GALNTL6: variants seen among roughly 807,000 people sequenced by gnomAD.
GALNTL6 encodes polypeptide N-acetylgalactosaminyltransferase-like 6.
A neutral mutation model predicts 73.7 loss-of-function variants in GALNTL6; 46 were observed. The ratio of observed to expected loss-of-function variants is 0.62; its 90% CI spans 0.49 to 0.80. The LOEUF (loss-of-function observed/expected upper bound fraction) is 0.80. Ranked by LOEUF, GALNTL6 falls within the 30% of genes least tolerant of loss-of-function variation. The pLI, the probability that GALNTL6 is intolerant of heterozygous loss-of-function variation, is 0.00. For synonymous variants in GALNTL6, 259 were observed against 263.7 expected, an observed-to-expected ratio of 0.98 and a Z score of 0.17; for missense variants, 604 against 755.0, an observed-to-expected ratio of 0.80 and a Z score of 2.34.
chr4:172,863,419 G>C (rs1459553228), intron 7 of GALNTL6, among the ~76,000 whole-genome samples: 2 of 152,188 alleles, frequency 1.3e-5, no homozygotes, highest in Non-Finnish European at 2.9e-5. Flanking sequence ...GCCCAAGGCT[G>C]TAGGAGCCCA....
intron 2 of GALNTL6, among the ~76,000 whole-genome samples, chr4:171,907,840 A>G (rs1294478627): frequency 1.3e-5 from 2 of 151,910 alleles, no homozygotes; most frequent in Admixed American, 6.6e-5. Flanking sequence ...AAATAACGCC[A>G]CATATCTACA....
intron 2 of GALNTL6, among the ~76,000 whole-genome samples, chr4:172,220,540 A>G (rs547144175): frequency 6.6e-6 from 1 of 151,804 alleles, no homozygotes; most frequent in South Asian, 2.1e-4. Flanking sequence ...CATCCATTTT[A>G]CATGTTAGGT....
At chr4:172,693,530 A>G (rs1460685758) in intron 5 of GALNTL6, among the ~76,000 whole-genome samples, 1 of 152,192 alleles carries the variant, frequency 6.6e-6, no homozygotes, top group African/African-American at 2.4e-5. Flanking sequence ...TTAAAGCACA[A>G]ATTAAATATC....
intron 7 of GALNTL6, among the ~76,000 whole-genome samples, chr4:172,824,657 T>C (rs1441171051): frequency 1.3e-5 from 2 of 152,128 alleles, no homozygotes; most frequent in Admixed American, 6.5e-5. Flanking sequence ...TATGCTGCTG[T>C]CTTCTCAGTG....
rs533655534 is a variant in GALNTL6, at chr4:172,372,397, G to T, written c.553+23708G>T. ...GTCTGATAGCCATAAACTTCCTTTG[G>T]CACCTAGTATGCCATTGACATTATG... On this transcript the variant is annotated intron_variant, in intron 5 of 12. Transcript: ENST00000506823. 6.6e-5 allele frequency among the ~76,000 whole-genome samples: 10 copies of T among 152,246 alleles called. No individual in the cohort carries two copies. In the South Asian group the frequency reaches 2.1e-3, roughly 32 times the overall value.
chr4:172,794,606 G>A (rs1740167585), intron 5 of GALNTL6, among the ~76,000 whole-genome samples: 1 of 152,194 alleles, frequency 6.6e-6, no homozygotes, highest in South Asian at 2.1e-4. Context: ...TCAAGCAAGG[G>A]CTTTCACCAC....
intron 5 of GALNTL6, among the ~76,000 whole-genome samples, chr4:172,783,472 AC>A (rs1739485649): frequency 6.8e-6 from 1 of 147,598 alleles, no homozygotes; most frequent in Non-Finnish European, 1.5e-5. Context: ...ATAATATTAT[AC>A]ACTATTAATA....
chr4:172,834,022 C>T (rs548202202), intron 7 of GALNTL6, among the ~76,000 whole-genome samples: 17 of 152,158 alleles, frequency 1.1e-4, no homozygotes, highest in Admixed American at 5.9e-4. Flanking sequence ...GAGGCTGAGA[C>T]GGGAGAAATG....
In GALNTL6 at chr4:172,027,868, G is replaced by C. The variant is rs568255179; in HGVS notation, c.139-201788G>C. ...TTAATGGTCTAGATGGAAGATCCAG[G>C]ATCCAAGATAGAACAGGTGAGGAAG... On this transcript the variant is annotated intron_variant, in intron 2 of 12. Transcript: ENST00000506823. Among the ~76,000 whole-genome samples, 21 of 152,246 alleles carry C rather than the reference G, an allele frequency of 1.4e-4. No homozygotes were observed. In the South Asian group the frequency reaches 4.4e-3, roughly 32 times the overall value.
intron 5 of GALNTL6, among the ~76,000 whole-genome samples, chr4:172,571,170 C>T (rs574956231): frequency 1.9e-3 from 290 of 152,234 alleles, no homozygotes; most frequent in African/African-American, 6.8e-3. Flanking sequence ...GTTATGGCAG[C>T]CCTAGCGAAC....
At chr4:172,181,719 T>TC (rs1256691950) in intron 2 of GALNTL6, among the ~76,000 whole-genome samples, 1 of 144,072 alleles carries the variant, frequency 6.9e-6, no homozygotes, top group Non-Finnish European at 1.5e-5. Flanking sequence ...CAAATCTTCT[T>TC]TTTTTTTTTT....
intron 2 of GALNTL6, among the ~76,000 whole-genome samples, chr4:172,146,963 T>G (rs1215857734): frequency 6.6e-6 from 1 of 152,196 alleles, no homozygotes; most frequent in Non-Finnish European, 1.5e-5. Context: ...ATAGAAAAAT[T>G]AAGTATGTAT....
chr4:172,394,066 T>C (rs1278150783), intron 5 of GALNTL6, among the ~76,000 whole-genome samples: 2 of 152,152 alleles, frequency 1.3e-5, no homozygotes, highest in Non-Finnish European at 2.9e-5. Context: ...TTTTAAAAAC[T>C]GGTACACAGG....
chr4:171,964,075 T>C (rs1739312831), intron 2 of GALNTL6, among the ~76,000 whole-genome samples: 1 of 152,218 alleles, frequency 6.6e-6, no homozygotes, highest in Admixed American at 6.5e-5. Context: ...TTGCATGTTC[T>C]GGTGTCACTT....
At chr4:172,044,154 C>T (rs1742157638) in intron 2 of GALNTL6, among the ~76,000 whole-genome samples, 1 of 151,872 alleles carries the variant, frequency 6.6e-6, no homozygotes, top group South Asian at 2.1e-4. Context: ...CTTAGTCTCA[C>T]CCAATTTTAA....
intron 2 of GALNTL6, among the ~76,000 whole-genome samples, chr4:172,196,023 T>TAAA (rs35159373): frequency 2.3e-4 from 32 of 137,796 alleles, no homozygotes; most frequent in African/African-American, 8.5e-4. Flanking sequence ...TTTTTTTTTT[T>TAAA]AAATTAATAA....
At chr4:171,881,513 A>C (rs1736447864) in intron 2 of GALNTL6, among the ~76,000 whole-genome samples, 1 of 152,128 alleles carries the variant, frequency 6.6e-6, no homozygotes, top group Non-Finnish European at 1.5e-5. Flanking sequence ...CCACCAGATT[A>C]AGGGTGGATC....
chr4:172,632,891 A>G (rs1579265143), intron 5 of GALNTL6, among the ~76,000 whole-genome samples: 1 of 152,242 alleles, frequency 6.6e-6, no homozygotes, highest in East Asian at 1.9e-4. Flanking sequence ...AAAGGGGCGA[A>G]CATACAGCTC....
chr4:172,151,279 G>T (rs1169446762), intron 2 of GALNTL6, among the ~76,000 whole-genome samples: 1 of 151,978 alleles, frequency 6.6e-6, no homozygotes, highest in Non-Finnish European at 1.5e-5. Flanking sequence ...CATCAGTAAA[G>T]AAAAGCAAAA....
Sources: allele counts gnomAD v4.1 joint callset (sites outside exome capture counted in the v4.1 genomes callset), GRCh38; gene constraint gnomAD v4.1.1; transcripts MANE v1.5; gene names NCBI Gene and HGNC (gene_info 2026-07-23, HGNC 2026-07-21).